Variants in PRKG1 observed in about 807,000 individuals in gnomAD.
PRKG1 encodes protein kinase cGMP-dependent 1.
Under a neutral mutation model 88.1 loss-of-function variants are expected in PRKG1, and 35 were observed. That is an observed-to-expected ratio of 0.40 (90% confidence interval 0.30 to 0.53). PRKG1 has a LOEUF of 0.53. PRKG1 is among the 20% of genes least tolerant of loss of function. PRKG1 has a pLI of 0.59. For synonymous variants in PRKG1, 303 were observed against 292.5 expected (o/e 1.04, Z -0.37); for missense variants, 540 against 839.8 (o/e 0.64, Z 4.41).
intron 2 of PRKG1, among the ~76,000 whole-genome samples, chr10:51,179,043 A>G (rs1837275847): frequency 6.6e-6 from 1 of 152,224 alleles, no homozygotes; most frequent in South Asian, 2.1e-4. Flanking sequence ...TGTTACTTCC[A>G]TAAAGCACCC....
intron 9 of PRKG1, among the ~76,000 whole-genome samples, chr10:52,165,836 A>G (rs1490213909): frequency 1.3e-5 from 2 of 152,228 alleles, no homozygotes; most frequent in Admixed American, 6.5e-5. Flanking sequence ...CACAAAATGT[A>G]CAGACCATCC....
chr10:51,588,441 C>T (rs763800744), intron 3 of PRKG1, among the ~76,000 whole-genome samples: 2 of 152,120 alleles, frequency 1.3e-5, no homozygotes, highest in Non-Finnish European at 2.9e-5. Flanking sequence ...CTGAGGTAGG[C>T]CTTACAACTA....
intron 2 of PRKG1, among the ~76,000 whole-genome samples, chr10:51,365,484 A>T (rs1842569765): frequency 6.6e-6 from 1 of 151,962 alleles, no homozygotes; most frequent in South Asian, 2.1e-4. Context: ...TGGGTGCTTG[A>T]TACATCTGTC....
At chr10:52,197,755 G>A (rs1370902289) in intron 9 of PRKG1, among the ~76,000 whole-genome samples, 3 of 152,214 alleles carry the variant, frequency 2.0e-5, no homozygotes, top group Non-Finnish European at 4.4e-5. Flanking sequence ...TTCTAGAGAT[G>A]TGGACTTAGT....
intron 3 of PRKG1, among the ~76,000 whole-genome samples, chr10:51,711,190 C>T (rs1564617152): frequency 6.6e-6 from 1 of 152,176 alleles, no homozygotes; most frequent in Admixed American, 6.5e-5. Flanking sequence ...ACTGCAAGCT[C>T]TGCCTCCCGG....
At position 51,583,927 on chromosome 10, in the gene PRKG1, T is replaced by C. The variant is rs74837223; in HGVS notation, c.592+116091T>C. Among the ~76,000 whole-genome samples, 784 of 152,176 alleles carry C rather than the reference T, an allele frequency of 5.2e-3. 5 individuals are homozygous for C. The highest frequency in any genetic ancestry group is 0.018 in the African/African-American group (749 of 41,570). On this transcript the variant is annotated intron_variant, in intron 3 of 17. Coordinates refer to ENST00000373980, the MANE Select transcript of PRKG1 (RefSeq NM_006258.4). ...TTTTTTGAATTGTGAATCAATTCTGTTGAGCTAAGGCTTTGCAAATCTTTC... is the reference window on the plus strand; with the variant it reads ...TTTTTTGAATTGTGAATCAATTCTGCTGAGCTAAGGCTTTGCAAATCTTTC...
intron 9 of PRKG1, among the ~76,000 whole-genome samples, chr10:52,192,108 G>A (rs1246883650): frequency 6.6e-6 from 1 of 152,002 alleles, no homozygotes; most frequent in African/African-American, 2.4e-5. Context: ...CACATTTTTT[G>A]GTATTATGAA....
intron 1 of PRKG1, among the ~76,000 whole-genome samples, chr10:51,063,720 G>C (rs982478184): frequency 6.6e-6 from 1 of 152,100 alleles, no homozygotes; most frequent in African/African-American, 2.4e-5. Flanking sequence ...TTTATAATTA[G>C]AGCTTAATTT....
chr10:51,188,048 T>A (rs959203968), intron 2 of PRKG1, among the ~76,000 whole-genome samples: 1 of 152,040 alleles, frequency 6.6e-6, no homozygotes, highest in African/African-American at 2.4e-5. Context: ...ACAATGTGAA[T>A]GGAAAATTAG....
At chr10:51,044,570 A>T (rs1020042113) in intron 1 of PRKG1, among the ~76,000 whole-genome samples, 12 of 148,270 alleles carry the variant, frequency 8.1e-5, no homozygotes, top group East Asian at 3.9e-4. Context: ...GGTAGAGGAA[A>T]TTTTTTTTTT....
At chr10:51,271,472 A>C (rs1839979063) in intron 2 of PRKG1, among the ~76,000 whole-genome samples, 1 of 152,166 alleles carries the variant, frequency 6.6e-6, no homozygotes, top group Non-Finnish European at 1.5e-5. Flanking sequence ...AGATGTGCTT[A>C]TATTAGTAAT....
At chr10:51,054,354 A>C (rs901029451) in intron 1 of PRKG1, among the ~76,000 whole-genome samples, 4 of 152,206 alleles carry the variant, frequency 2.6e-5, no homozygotes, top group African/African-American at 9.7e-5. Flanking sequence ...AAAATGATTT[A>C]ATTTGTTTAA....
intron 3 of PRKG1, among the ~76,000 whole-genome samples, chr10:51,629,026 G>C (rs909696801): frequency 6.6e-6 from 1 of 151,870 alleles, no homozygotes; most frequent in Admixed American, 6.6e-5. Context: ...GTGAGCCACA[G>C]AATCAATTTA....
chr10:52,050,787 T>C (rs188838231), intron 5 of PRKG1, among the ~76,000 whole-genome samples: 20 of 152,306 alleles, frequency 1.3e-4, no homozygotes, highest in Non-Finnish European at 2.6e-4. Context: ...GATGATTAGA[T>C]AAGTTTCAAG....
chr10:51,414,653 T>C (rs956777093), intron 2 of PRKG1, among the ~76,000 whole-genome samples: 2 of 152,238 alleles, frequency 1.3e-5, no homozygotes, highest in South Asian at 2.1e-4. Flanking sequence ...ACCCCTGTAA[T>C]GTCTATTAAC....
At chr10:52,133,939 C>T in intron 8 of PRKG1, 34 bp downstream of exon 8, 1 of 1,525,594 alleles carries the variant, frequency 6.6e-7, no homozygotes, top group East Asian at 2.3e-5. Context: ...GAATTACACA[C>T]TCATATCAGC....
intron 3 of PRKG1, among the ~76,000 whole-genome samples, chr10:51,776,459 G>A (rs1030944399): frequency 6.6e-6 from 1 of 152,114 alleles, no homozygotes; most frequent in Non-Finnish European, 1.5e-5. Flanking sequence ...TTAAGACCCA[G>A]TATAAATTAA....
chr10:52,279,022 A>G (rs1003697531), intron 12 of PRKG1, among the ~76,000 whole-genome samples: 3 of 152,088 alleles, frequency 2.0e-5, no homozygotes, highest in Non-Finnish European at 4.4e-5. Flanking sequence ...GATTTAATTC[A>G]TAGATAGCAG....
chr10:51,810,553 T>C (rs1032620770), intron 4 of PRKG1, among the ~76,000 whole-genome samples: 1 of 152,220 alleles, frequency 6.6e-6, no homozygotes, highest in Non-Finnish European at 1.5e-5. Context: ...AGCTTCCTTA[T>C]TCTTTATCTC....
Sources: allele counts gnomAD v4.1 joint callset (sites outside exome capture counted in the v4.1 genomes callset), GRCh38; gene constraint gnomAD v4.1.1; transcripts MANE v1.5; gene names NCBI Gene and HGNC (gene_info 2026-07-23, HGNC 2026-07-21).